RGPD8: variants seen among roughly 807,000 people sequenced by gnomAD.
RGPD8 encodes RANBP2 like and GRIP domain containing 8, also known as RANBP2-like and GRIP domain-containing protein 8.
In RGPD8, 15 loss-of-function variants were observed where a neutral mutation model predicts 89.1. That is an observed-to-expected ratio of 0.17 (90% confidence interval 0.11 to 0.26). The LOEUF (loss-of-function observed/expected upper bound fraction) is 0.26, where lower values mean the gene tolerates loss of function less well. Among genes scored for constraint, RGPD8 ranks in the 10% least tolerant of loss-of-function variants. The probability of loss-of-function intolerance (pLI) is 1.00; values close to 1 mark genes in which losing one functional copy is unlikely to be tolerated. For missense variants in RGPD8, 178 were observed against 1,179.6 expected, an observed-to-expected ratio of 0.15 and a Z score of 12.44; for synonymous variants, 62 against 420.9, an observed-to-expected ratio of 0.15 and a Z score of 10.44.
intron 7 of RGPD8, among the ~76,000 whole-genome samples, chr2:112,411,188 T>C (rs1484961283): frequency 6.6e-6 from 1 of 152,216 alleles, no homozygotes; most frequent in Non-Finnish European, 1.5e-5. Flanking sequence ...AAATTAATCA[T>C]CTTTCTAAGC....
intron 7 of RGPD8, among the ~76,000 whole-genome samples, chr2:112,409,296 G>A (rs1679073756): frequency 1.1e-5 from 1 of 89,486 alleles, no homozygotes; most frequent in Non-Finnish European, 2.1e-5. Flanking sequence ...GAACAATGAA[G>A]AAACATTTAG....
chr2:112,425,405 A>C (rs916353009), intron 1 of RGPD8, among the ~76,000 whole-genome samples: 3 of 152,084 alleles, frequency 2.0e-5, no homozygotes, highest in Non-Finnish European at 4.4e-5. Flanking sequence ...GAATTCTTCA[A>C]GTAATAAACG....
intron 6 of RGPD8, among the ~76,000 whole-genome samples, chr2:112,415,200 G>A (rs1417153040): frequency 2.6e-5 from 4 of 151,962 alleles, no homozygotes; most frequent in Admixed American, 2.6e-4. Flanking sequence ...TGGCTAACAC[G>A]GTGACACTCC....
rs187388558 is a variant in RGPD8 at position 112,431,661 on chromosome 2, G to C, written c.72+1721C>G. ...TTCTGGTTTTTTTTTTTTTTTTCTG[G>C]AGTCTCCCTCTGTCGCCCAGGCTGG... is the stretch of plus-strand genomic sequence containing the variant. On this transcript the variant is annotated intron_variant, in intron 1 of 22. Transcript: ENST00000302558. 9.3e-3 allele frequency among the ~76,000 whole-genome samples: 1,377 copies of C among 148,078 alleles called. 34 individuals carry two copies. Among genetic ancestry groups the C allele is most frequent in the African/African-American group, 0.033 (1,314 of 40,084 alleles).
At chr2:112,423,875 G>C (rs111574586) in intron 2 of RGPD8, among the ~76,000 whole-genome samples, 2 of 152,198 alleles carry the variant, frequency 1.3e-5, no homozygotes, top group African/African-American at 2.4e-5. Flanking sequence ...TACAATTACA[G>C]TTTAGTTTTT....
chr2:112,387,527 C>A (rs1678503379), intron 20 of RGPD8, among the ~76,000 whole-genome samples: 1 of 127,434 alleles, frequency 7.8e-6, no homozygotes. Context: ...ATGCCCGGCT[C>A]ATTTTTGTAT....
At chr2:112,408,430 A>AATTTG (rs1403914818) in intron 7 of RGPD8, among the ~76,000 whole-genome samples, 2 of 120,366 alleles carry the variant, frequency 1.7e-5, no homozygotes, top group African/African-American at 6.6e-5. Context: ...TGAATTTTAG[A>AATTTG]AATATTCGTA....
chr2:112,432,793 G>T (rs1023409673), intron 1 of RGPD8, among the ~76,000 whole-genome samples: 2 of 152,164 alleles, frequency 1.3e-5, no homozygotes, highest in Non-Finnish European at 2.9e-5. Flanking sequence ...AGGAAGAGCC[G>T]GCGCCAAAGG....
intron 22 of RGPD8, among the ~76,000 whole-genome samples, chr2:112,373,314 G>A (rs1363954963): frequency 2.2e-4 from 34 of 152,276 alleles, no homozygotes; most frequent in South Asian, 1.0e-3. Flanking sequence ...ACCTTATAAC[G>A]CAGAGTTGTA....
chr2:112,379,072 C>A, intron 21 of RGPD8, among the ~76,000 whole-genome samples: 1 of 98,996 alleles, frequency 1.0e-5, no homozygotes. Flanking sequence ...GAATATAAGA[C>A]AATGTAAAAC....
chr2:112,382,180 A>C (rs1170542523), intron 20 of RGPD8, among the ~76,000 whole-genome samples: 1 of 152,306 alleles, frequency 6.6e-6, no homozygotes, highest in East Asian at 1.9e-4. Context: ...TGGAACTTGG[A>C]CTGGCTCTCG....
At chr2:112,408,921 C>T (rs1679057015) in intron 7 of RGPD8, among the ~76,000 whole-genome samples, 1 of 151,558 alleles carries the variant, frequency 6.6e-6, no homozygotes, top group African/African-American at 2.4e-5. Context: ...ATCCGCCCGC[C>T]TCAGCCTCCC....
chr2:112,402,400 G>T (rs1211627711), intron 9 of RGPD8, among the ~76,000 whole-genome samples: 2 of 143,726 alleles, frequency 1.4e-5, no homozygotes, highest in East Asian at 2.1e-4. Context: ...CCAGCTACTT[G>T]GGAGGCCGAG....
chr2:112,429,415 C>CAAAAA (rs71412832), intron 1 of RGPD8, among the ~76,000 whole-genome samples: 464 of 42,010 alleles, frequency 0.011, no homozygotes, highest in Middle Eastern at 0.029. Context: ...GACTCCGTCT[C>CAAAAA]AAAAAAAAAA....
intron 21 of RGPD8, among the ~76,000 whole-genome samples, chr2:112,379,131 G>A (rs1217755297): frequency 6.8e-6 from 1 of 147,736 alleles, no homozygotes; most frequent in African/African-American, 2.5e-5. Context: ...GTAATATCAT[G>A]TTCAAGTCTT....
At chr2:112,376,634 T>C (rs1478562461) in intron 22 of RGPD8, among the ~76,000 whole-genome samples, 2 of 151,056 alleles carry the variant, frequency 1.3e-5, no homozygotes, top group Non-Finnish European at 1.5e-5. Flanking sequence ...GCCAACATGG[T>C]GAAACCTCGT....
chr2:112,433,635 C>G lies in RGPD8; in HGVS notation c.-182G>C. On this transcript the variant is annotated 5_prime_UTR_variant, in exon 1 of 23. Coordinates refer to ENST00000302558, the MANE Select transcript of RGPD8 (RefSeq NM_001164463.1). ...ACTGTGACGAACCTGCGTTCTGCCT[C>G]AGCACTGTGTATCCTCGGGGACGTC... is the stretch of plus-strand genomic sequence containing the variant. 1.3e-6 allele frequency: 1 copy of G among 743,588 alleles called. No individual in the cohort carries two copies. Among genetic ancestry groups the G allele is most frequent in the East Asian group, 2.8e-5 (1 of 35,828 alleles). The allele number at this position is 743,588 out of a possible 1,614,324, so 46.1% of individuals were successfully genotyped here.
At chr2:112,370,653 G>A (rs1356119179) in intron 22 of RGPD8, among the ~76,000 whole-genome samples, 2 of 137,322 alleles carry the variant, frequency 1.5e-5, no homozygotes, top group East Asian at 2.0e-4. Flanking sequence ...TTGCAGTCAC[G>A]AGCCACTGTA....
At chr2:112,429,219 G>A (rs1574027247) in intron 1 of RGPD8, among the ~76,000 whole-genome samples, 2 of 151,976 alleles carry the variant, frequency 1.3e-5, no homozygotes. Flanking sequence ...AGGAGATTGA[G>A]ACTATCCTGG....
Sources: gnomAD v4.1 joint callset for allele counts (sites outside exome capture counted in the v4.1 genomes callset) on GRCh38, gnomAD v4.1.1 for gene constraint, MANE v1.5 for transcripts, NCBI Gene and HGNC (gene_info 2026-07-23, HGNC 2026-07-21) for gene names.